The following DENND2D variants were observed in gnomAD, a reference collection of about 807,000 sequenced individuals.
DENND2D encodes the protein DENN domain-containing protein 2D.
In DENND2D, 37 loss-of-function variants were observed where a neutral mutation model predicts 59.8. That is an observed-to-expected ratio of 0.62 (90% CI 0.48 to 0.81). The LOEUF is 0.81. DENND2D is among the 40% of genes least tolerant of loss of function. The pLI is 0.00. For missense variants in DENND2D, 525 were observed against 579.7 expected (o/e 0.91, Z 0.97); for synonymous variants, 219 against 211.3 (o/e 1.04, Z -0.31).
chr1:111,193,268 C>G (rs1339119049), intron 7 of DENND2D, among the ~76,000 whole-genome samples: 1 of 152,176 alleles, frequency 6.6e-6, no homozygotes, highest in Non-Finnish European at 1.5e-5. Flanking sequence ...AGTCCCCTCC[C>G]TGTCCGAGCT....
At chr1:111,197,867 C>G in intron 4 of DENND2D, 53 bp downstream of exon 4, 1 of 1,611,110 alleles carries the variant, frequency 6.2e-7, no homozygotes, top group Non-Finnish European at 8.5e-7. Context: ...CAAGCCCAGC[C>G]GTGGAGCTGA....
At chr1:111,196,391 T>G (rs942813227) in intron 5 of DENND2D, 1 of 200,454 alleles carries the variant, frequency 5.0e-6, no homozygotes, top group Admixed American at 5.3e-5. Flanking sequence ...TCACCCATGA[T>G]GGTACCATGT....
chr1:111,190,585 G>A (rs575853775), intron 8 of DENND2D, among the ~76,000 whole-genome samples: 2 of 152,352 alleles, frequency 1.3e-5, no homozygotes, highest in East Asian at 1.9e-4. Context: ...ACACTCAGAT[G>A]GAACTGAGTA....
rs996665897 is a variant in DENND2D, at chr1:111,199,784, T to A, written c.82A>T (p.Asn28Tyr). 15 of 1,612,606 alleles carry A rather than the reference T, an allele frequency of 9.3e-6. No individual in the cohort carries two copies. Among genetic ancestry groups the A allele is most frequent in the Non-Finnish European group, 1.3e-5 (15 of 1,179,564 alleles). The change falls in exon 2 of 12, where the codon AAT (asparagine) becomes TAT (tyrosine). Residue 28 changes from asparagine (N) to tyrosine (Y), a missense_variant. By Grantham distance (143) the Asn-to-Tyr change is moderately radical. Around this residue, in one of 3 missense-constraint regions of DENND2D, gnomAD observed 253 missense variants for 246.4 expected, o/e 1.03. Coordinates refer to ENST00000357640, the MANE Select transcript of DENND2D (RefSeq NM_024901.5). The part of the protein sequence containing the change: ...LQLRAGPPQD[N>Y]SGEALKEPER... ...GGTTCCTTTAAAGCTTCCCCTGAAT[T>A]GTCCTGGGGTGGTCCTGAAATCAAG...
intron 10 of DENND2D, 111 bp from the exon 11 acceptor site, chr1:111,188,481 G>T (rs567476946): frequency 1.4e-6 from 2 of 1,474,056 alleles, no homozygotes; most frequent in Non-Finnish European, 9.2e-7. Flanking sequence ...GAAAGCCATA[G>T]GGTAGGGTTC....
chr1:111,195,597 G>C lies in DENND2D; in HGVS notation c.645+319C>G, dbSNP rs41281388. 7.2e-3 allele frequency: 2,215 copies of C among 309,374 alleles called. 9 individuals carry two copies. The highest frequency in any genetic ancestry group is 9.7e-3 in the Non-Finnish European group (1,559 of 161,086). 19.2% of individuals were successfully genotyped at this position (309,374 alleles called of 1,614,324 possible). ...CAGGACAAACAAAGGAGAGTGGAAG[G>C]GGGGTAGCGGCAAGTGGCAGTCTGA... On this transcript the variant is annotated intron_variant, in intron 6 of 11. Transcript: ENST00000357640.
At position 111,188,271 on chromosome 1, in the gene DENND2D, C is replaced by T; in HGVS notation, c.1199G>A (p.Gly400Glu). The change falls in exon 11 of 12, where the codon GGG (glycine) becomes GAG (glutamate). Residue 400 changes from glycine (G) to glutamate (E), a missense_variant. Coordinates refer to ENST00000357640, the MANE Select transcript of DENND2D (RefSeq NM_024901.5). ...GGATCTTTCTTGGAAGTGGCCTTGCCCATTTGCCTCCCGCTTGATATAGGA... is the reference window on the plus strand; with the variant it reads ...GGATCTTTCTTGGAAGTGGCCTTGCTCATTTGCCTCCCGCTTGATATAGGA... ...YASYIKREAN[G>E]QGHFQERSFC... 1.2e-6 allele frequency: 2 copies of T among 1,614,158 alleles called. No homozygotes were observed. The highest frequency in any genetic ancestry group is 2.2e-5 in the East Asian group (1 of 44,882).
At chr1:111,200,241 A>T in intron 1 of DENND2D, 152 bp downstream of exon 1, 2 of 1,041,362 alleles carry the variant, frequency 1.9e-6, no homozygotes, top group Non-Finnish European at 2.8e-6. Flanking sequence ...GCTCTTAAAA[A>T]CCAGCAGAGG....
intron 6 of DENND2D, 71 bp from the exon 7 acceptor site, chr1:111,194,797 C>A: frequency 6.6e-7 from 1 of 1,516,116 alleles, no homozygotes; most frequent in South Asian, 1.2e-5. Flanking sequence ...GGTGCTAGGC[C>A]TCTACCAGCC....
chr1:111,200,413 C>T lies in DENND2D; in HGVS notation c.47G>A (p.Arg16Gln), dbSNP rs181786470. The change falls in exon 1 of 12, where the codon CGA becomes CAA. Residue 16 changes from arginine to glutamine, a missense_variant. Coordinates refer to ENST00000357640, the MANE Select transcript of DENND2D (RefSeq NM_024901.5). The stretch of plus-strand genomic sequence containing the variant: ...CTGACCTGCTCGGAGTTGAAGCAGT[C>T]GGCGTTGGAAGAGCCTGAACACCCG... ...VGRVFRLFQR[R>Q]LLQLRAGPPQ... 69 of 1,612,326 alleles carry T rather than the reference C, an allele frequency of 4.3e-5. No individual in the cohort carries two copies. The East Asian group carries it at 1.2e-3, about 28-fold the overall frequency.
At chr1:111,196,089 C>A in intron 5 of DENND2D, 33 bp from the exon 6 acceptor site, 3 of 1,578,752 alleles carry the variant, frequency 1.9e-6, no homozygotes, top group Non-Finnish European at 2.6e-6. Flanking sequence ...AGGCACGGCT[C>A]AAAGGGACAC....
At chr1:111,194,030 C>T (rs1426979666) in intron 7 of DENND2D, among the ~76,000 whole-genome samples, 1 of 152,202 alleles carries the variant, frequency 6.6e-6, no homozygotes, top group Non-Finnish European at 1.5e-5. Flanking sequence ...AGTTAACAAA[C>T]TAACTTAATG....
At chr1:111,190,174 A>AC (rs1553241787) in intron 8 of DENND2D, among the ~76,000 whole-genome samples, 2 of 148,754 alleles carry the variant, frequency 1.3e-5, no homozygotes, top group Non-Finnish European at 3.0e-5. Context: ...AAAAAAAAAA[A>AC]AAAAAAAAAC....
chr1:111,188,649 G>A, intron 10 of DENND2D, 53 bp downstream of exon 10: 5 of 1,471,864 alleles, frequency 3.4e-6, no homozygotes, highest in Non-Finnish European at 4.8e-6. Context: ...GAATGATTGA[G>A]AAGCATGCCC....
rs2101505895 is a variant in DENND2D at position 111,199,914 on chromosome 1, C to T, written c.68-116G>A. 2.3e-6 allele frequency: 3 copies of T among 1,323,850 alleles called. No individual in the cohort carries two copies. In the East Asian group the frequency reaches 7.3e-5, roughly 32 times the overall value. The allele number at this position is 1,323,850 out of a possible 1,614,324, so 82.0% of individuals were successfully genotyped here. A position where few individuals can be genotyped will look rare whatever the true frequency, so the allele number is the denominator to read the frequency against. ...AGGCCGCCTTGCCAATGCTGAGATA[C>T]CTGGATACTGGCCAGAACCACCAGT... On this transcript the variant is annotated intron_variant, in intron 1 of 11. Coordinates refer to ENST00000357640, the MANE Select transcript of DENND2D (RefSeq NM_024901.5).
intron 3 of DENND2D, among the ~76,000 whole-genome samples, chr1:111,198,220 C>T (rs905557292): frequency 1.3e-5 from 2 of 152,158 alleles, no homozygotes; most frequent in African/African-American, 4.8e-5. Context: ...GAACTGAGGC[C>T]AGAGGGTGCT....
intron 10 of DENND2D, 144 bp from the exon 11 acceptor site, chr1:111,188,514 A>C: frequency 7.6e-7 from 1 of 1,324,248 alleles, no homozygotes; most frequent in Non-Finnish European, 1.0e-6. Flanking sequence ...TGAGATGGGA[A>C]TCTGGGTATG....
At chr1:111,200,812 G>T, upstream of DENND2D, 1 of 856,032 alleles carries the variant, frequency 1.2e-6, no homozygotes, top group Non-Finnish European at 1.5e-6. Flanking sequence ...CTACTTATGG[G>T]CTAAGGGTTT....
Position 111,187,567 on chromosome 1 carries a change from T to G in DENND2D, c.*38A>C. On this transcript the variant is annotated 3_prime_UTR_variant, in exon 12 of 12. Transcript: ENST00000357640. ...ACTGGCAGGGGCTGAAGTCCAGAAA[T>G]GGTGTGTAGCTCTAGTCATTCTTAT... The G allele has an allele frequency of 6.4e-7, 1 of 1,567,150 alleles. No individual in the cohort carries two copies. The highest frequency in any genetic ancestry group is 8.8e-7 in the Non-Finnish European group (1 of 1,137,972).
Sources: allele counts gnomAD v4.1 joint callset (sites outside exome capture counted in the v4.1 genomes callset), GRCh38; gene constraint gnomAD v4.1.1; regional missense constraint gnomAD v4.1.1; transcripts MANE v1.5; gene names NCBI Gene and HGNC (gene_info 2026-07-23, HGNC 2026-07-21).